The following IGF2R variants were observed in gnomAD, a reference collection of about 807,000 sequenced individuals.
IGF2R encodes insulin like growth factor 2 receptor.
Under a neutral mutation model 270.6 loss-of-function variants are expected in IGF2R, and 91 were observed. That is an observed-to-expected ratio of 0.34 (90% confidence interval 0.28 to 0.40). IGF2R has a LOEUF of 0.40. Ranked by LOEUF, IGF2R falls within the 10% of genes least tolerant of loss-of-function variation. The pLI is 1.00. For synonymous variants in IGF2R, 1,316 were observed against 1,258.9 expected, an observed-to-expected ratio of 1.05 and a Z score of -0.96; for missense variants, 2,805 against 3,188.3, an observed-to-expected ratio of 0.88 and a Z score of 2.90.
chr6:160,047,871 C>T lies in IGF2R; in HGVS notation c.2309C>T (p.Thr770Ile), dbSNP rs1032748931. ...GAGGAGCCCCTGGAATGCGTAGTGACCGACCCCTCCACGCTGGAGCAGTAC... is the reference window on the plus strand; with the variant it reads ...GAGGAGCCCCTGGAATGCGTAGTGATCGACCCCTCCACGCTGGAGCAGTAC... Reference protein sequence around the residue: ...CPEEPLECVVTDPSTLEQYDL... With the variant: ...CPEEPLECVVIDPSTLEQYDL... The change falls in exon 17 of 48, where the codon ACC becomes ATC. Residue 770 changes from threonine to isoleucine, a missense_variant. Coordinates refer to ENST00000356956, the MANE Select transcript of IGF2R (RefSeq NM_000876.4). 1 of 1,613,846 alleles carries T rather than the reference C, an allele frequency of 6.2e-7. No homozygotes were observed. Among genetic ancestry groups the T allele is most frequent in the African/African-American group, 1.3e-5 (1 of 75,030 alleles).
At chr6:159,993,787 T>C (rs1247108487) in intron 2 of IGF2R, among the ~76,000 whole-genome samples, 1 of 152,168 alleles carries the variant, frequency 6.6e-6, no homozygotes, top group African/African-American at 2.4e-5. Context: ...TTGATAAGAA[T>C]TGCACTGAAT....
chr6:160,064,374 C>T, intron 27 of IGF2R, 27 bp from the exon 28 acceptor site: 2 of 1,614,092 alleles, frequency 1.2e-6, no homozygotes, highest in Non-Finnish European at 1.7e-6. Context: ...CGAACCAAAC[C>T]TTGTTTAATG....
rs1008759387 is a variant in IGF2R at position 160,029,595 on chromosome 6, T to C, written c.822T>C (p.Phe274=). The stretch of plus-strand genomic sequence containing the variant: ...GGGAAGAGGCAGGAAAGCTAGACTT[T>C]TGTGATGGTCACAGCCCTGCGGTGA... ...YVREEAGKLD[F]CDGHSPAVTI... is the part of the protein sequence containing the mutation. Residue 274 remains phenylalanine (F), a synonymous_variant, in exon 7 of 48, where the codon TTT becomes TTC. Transcript: ENST00000356956. 1.2e-6 allele frequency: 2 copies of C among 1,614,182 alleles called. No individual in the cohort carries two copies. Among genetic ancestry groups the C allele is most frequent in the Admixed American group, 1.7e-5 (1 of 60,032 alleles).
At chr6:160,017,304 T>A (rs565996346) in intron 4 of IGF2R, among the ~76,000 whole-genome samples, 1 of 152,274 alleles carries the variant, frequency 6.6e-6, no homozygotes, top group East Asian at 1.9e-4. Context: ...TTTGGATTAA[T>A]CCAATCAGGC....
At position 160,102,619 on chromosome 6, in the gene IGF2R, G is replaced by T. The variant is rs768450906; in HGVS notation, c.6943G>T (p.Val2315Leu). ...CGGCGCGGTGCTCAGCCTGCTGCTG[G>T]TGGCGCTCACCTGCTGCCTGCTGGC... ...AVGAVLSLLLVALTCCLLALL... is the reference protein window; with the variant it reads ...AVGAVLSLLLLALTCCLLALL... Residue 2315 changes from valine to leucine, a missense_variant, in exon 46 of 48, where the codon GTG (valine) becomes TTG (leucine). Around this residue, in one of 2 missense-constraint regions of IGF2R, gnomAD observed 1,851 missense variants for 2,207.2 expected, o/e 0.84. Coordinates refer to ENST00000356956, the MANE Select transcript of IGF2R (RefSeq NM_000876.4). This position sits in a 1 kb window ranked among gnomAD's most constrained non-coding sequence, Gnocchi z 4.5. 6.2e-7 allele frequency: 1 copy of T among 1,613,412 alleles called. No homozygotes were observed. The highest frequency in any genetic ancestry group is 1.1e-5 in the South Asian group (1 of 91,038).
rs1472235543 is a variant in IGF2R at position 159,969,277 on chromosome 6, C to T, written c.31C>T (p.Leu11=). 25 of 1,164,104 alleles carry T rather than the reference C, an allele frequency of 2.1e-5. No homozygotes were observed. Among genetic ancestry groups the T allele is most frequent in the East Asian group, 8.4e-5 (2 of 23,868 alleles). 72.1% of individuals were successfully genotyped at this position (1,164,104 alleles called of 1,614,324 possible). ...GGCCGCCGCCGGCCGGAGCCCCCAC[C>T]TGGGGCCCGCGCCCGCCCGCCGCCC... MGAAAGRSPH[L]GPAPARRPQR... is the part of the protein sequence containing the mutation. The change falls in exon 1 of 48, where the codon CTG becomes TTG. Residue 11 remains leucine (L), a synonymous_variant. Transcript: ENST00000356956.
rs200311686 is a variant in IGF2R at position 160,047,863 on chromosome 6, C to G, written c.2301C>G (p.Cys767Trp). The part of the protein sequence containing the change: ...SYACPEEPLE[C>W]VVTDPSTLEQ... ...CCTGCCCGGAGGAGCCCCTGGAATG[C>G]GTAGTGACCGACCCCTCCACGCTGG... The change falls in exon 17 of 48, where the codon TGC becomes TGG. Residue 767 changes from cysteine to tryptophan, a missense_variant. Physicochemically the swap from Cys to Trp is radical, Grantham distance 215. Coordinates refer to ENST00000356956, the MANE Select transcript of IGF2R (RefSeq NM_000876.4). The G allele has an allele frequency of 6.2e-7, 1 of 1,613,946 alleles. No homozygotes were observed. The highest frequency in any genetic ancestry group is 8.5e-7 in the Non-Finnish European group (1 of 1,179,782).
chr6:160,031,541 T>G (rs1777696548), intron 7 of IGF2R, among the ~76,000 whole-genome samples: 1 of 152,102 alleles, frequency 6.6e-6, no homozygotes, highest in African/African-American at 2.4e-5. Context: ...ATTGGCCTTT[T>G]TTGGATGTTT....
intron 19 of IGF2R, among the ~76,000 whole-genome samples, chr6:160,053,282 G>T (rs774136372): frequency 2.6e-5 from 4 of 151,626 alleles, no homozygotes; most frequent in African/African-American, 4.8e-5. Flanking sequence ...GGCTGGGGGG[G>T]AGGGATAGCA....
At chr6:160,023,378 G>T (rs1777479686) in intron 4 of IGF2R, among the ~76,000 whole-genome samples, 1 of 152,124 alleles carries the variant, frequency 6.6e-6, no homozygotes, top group Non-Finnish European at 1.5e-5. Context: ...GAACACTGGG[G>T]TAACAGTAGG....
intron 1 of IGF2R, among the ~76,000 whole-genome samples, chr6:159,973,989 A>T (rs1268037207): frequency 6.6e-6 from 1 of 152,030 alleles, no homozygotes; most frequent in African/African-American, 2.4e-5. Flanking sequence ...AGCCACAGAG[A>T]GCTCTTGCTA....
intron 6 of IGF2R, 24 bp from the exon 7 acceptor site, chr6:160,029,526 C>T: frequency 4.6e-6 from 7 of 1,507,664 alleles, no homozygotes; most frequent in Non-Finnish European, 6.5e-6. Context: ...TTGTAATACT[C>T]TTTTCTCAAT....
Position 160,105,390 on chromosome 6 carries a change from C to G in IGF2R, c.*306C>G. The G allele has an allele frequency of 3.7e-6, 1 of 269,832 alleles. No individual in the cohort carries two copies. The highest frequency in any genetic ancestry group is 7.0e-6 in the Non-Finnish European group (1 of 143,054). 16.7% of individuals were successfully genotyped at this position (269,832 alleles called of 1,614,324 possible). On this transcript the variant is annotated 3_prime_UTR_variant, in exon 48 of 48. Transcript: ENST00000356956. ...GCATCTCAAAACAGAGGGCTGCATT[C>G]GAAGAAACCCTTGCTGCTTTAGTCC...
chr6:159,980,158 G>A (rs1170824165), intron 1 of IGF2R, among the ~76,000 whole-genome samples: 1 of 143,714 alleles, frequency 7.0e-6, no homozygotes, highest in African/African-American at 2.7e-5. Context: ...TCCAGCCTGG[G>A]CAACACAGTG....
chr6:160,037,064 T>G (rs1340378812), intron 10 of IGF2R, among the ~76,000 whole-genome samples: 2 of 152,236 alleles, frequency 1.3e-5, no homozygotes, highest in African/African-American at 4.8e-5. Flanking sequence ...AGATTTTTCA[T>G]GTAAGCCATG....
chr6:160,072,322 C>T (rs1778759789), intron 32 of IGF2R, among the ~76,000 whole-genome samples: 4 of 152,162 alleles, frequency 2.6e-5, no homozygotes, highest in South Asian at 2.1e-4. Flanking sequence ...CAGTGTCAGT[C>T]CAGCAGCTCT....
At chr6:160,059,704 G>T (rs1264707483) in intron 22 of IGF2R, among the ~76,000 whole-genome samples, 1 of 152,188 alleles carries the variant, frequency 6.6e-6, no homozygotes, top group African/African-American at 2.4e-5. Context: ...CGCCCGTGGG[G>T]GCTCTCTGAG....
intron 45 of IGF2R, among the ~76,000 whole-genome samples, chr6:160,097,363 C>T (rs1392437304): frequency 6.6e-6 from 1 of 152,188 alleles, no homozygotes; most frequent in Non-Finnish European, 1.5e-5. Flanking sequence ...TGGACTCTTG[C>T]TCTGTCACTC....
At chr6:159,979,436 C>G (rs972432090) in intron 1 of IGF2R, among the ~76,000 whole-genome samples, 4 of 152,166 alleles carry the variant, frequency 2.6e-5, no homozygotes, top group African/African-American at 9.7e-5. Context: ...TCTCTGCTCT[C>G]GAAGCGTCAG....
Sources: allele counts gnomAD v4.1 joint callset (sites outside exome capture counted in the v4.1 genomes callset), GRCh38; gene constraint gnomAD v4.1.1; regional missense constraint gnomAD v4.1.1; non-coding constraint Gnocchi (gnomAD v3.1); transcripts MANE v1.5; gene names NCBI Gene and HGNC (gene_info 2026-07-23, HGNC 2026-07-21).